ANKDD1A: variants seen among roughly 807,000 people sequenced by gnomAD.
ANKDD1A encodes the protein ankyrin repeat and death domain containing 1A.
In ANKDD1A, 59 loss-of-function variants were observed where a neutral mutation model predicts 63.5. The ratio of observed to expected loss-of-function variants is 0.93; its 90% CI spans 0.75 to 1.15. ANKDD1A has a LOEUF of 1.15. ANKDD1A is among the 50% of genes most tolerant of loss of function. The pLI is 0.00. For missense variants in ANKDD1A, 632 were observed against 656.4 expected, an observed-to-expected ratio of 0.96 and a Z score of 0.41; for synonymous variants, 266 against 263.9, an observed-to-expected ratio of 1.01 and a Z score of -0.08.
chr15:64,953,455 CTCTCCTTCT>C (rs1246174902), intron 14 of ANKDD1A, among the ~76,000 whole-genome samples: 5 of 19,112 alleles, frequency 2.6e-4, no homozygotes, highest in Non-Finnish European at 1.6e-3. Flanking sequence ...CTTCTTTCTT[CTCTCCTTCT>C]TCTTCTTCCT....
intron 14 of ANKDD1A, among the ~76,000 whole-genome samples, chr15:64,953,615 C>CCTCTTCTCCTTCTTAGTTCTTCTTAG (rs1206540695): frequency 9.2e-6 from 1 of 108,910 alleles, no homozygotes; most frequent in Non-Finnish European, 1.9e-5. Flanking sequence ...TTCTTCTCTC[C>CCTCTTCTCCTTCTTAGTTCTTCTTAG]TTCTTCTTCT....
intron 14 of ANKDD1A, among the ~76,000 whole-genome samples, chr15:64,954,475 CTT>C (rs1389759628): frequency 2.1e-5 from 3 of 144,474 alleles, no homozygotes; most frequent in Admixed American, 6.9e-5. Context: ...CCTTCTTCCT[CTT>C]TTTCTTCTTC....
chr15:64,933,025 C>T (rs1156351551), intron 8 of ANKDD1A, among the ~76,000 whole-genome samples: 2 of 151,862 alleles, frequency 1.3e-5, no homozygotes, highest in Non-Finnish European at 2.9e-5. Context: ...CTGCTCATCA[C>T]GCCAGGCCTT....
chr15:64,929,974 C>G (rs569121386), intron 6 of ANKDD1A, among the ~76,000 whole-genome samples: 7 of 152,266 alleles, frequency 4.6e-5, no homozygotes, highest in African/African-American at 1.7e-4. Context: ...AACCATCATC[C>G]TCAGCAAACT....
chr15:64,931,631 C>A, intron 8 of ANKDD1A, 46 bp downstream of exon 8: 1 of 1,593,534 alleles, frequency 6.3e-7, no homozygotes, highest in African/African-American at 1.3e-5. Flanking sequence ...GGCTGCTGAG[C>A]CATAGCCATG....
At chr15:64,921,128 G>T (rs535302377) in intron 3 of ANKDD1A, among the ~76,000 whole-genome samples, 7 of 151,886 alleles carry the variant, frequency 4.6e-5, no homozygotes, top group Non-Finnish European at 8.8e-5. Context: ...GTGCCTCCAC[G>T]CCTGGCTTAT....
intron 5 of ANKDD1A, among the ~76,000 whole-genome samples, chr15:64,926,612 C>G (rs996476281): frequency 6.6e-5 from 10 of 151,968 alleles, no homozygotes; most frequent in African/African-American, 2.4e-4. Context: ...GGTTGGGGGT[C>G]CCTCTGGCGA....
chr15:64,922,895 A>G (rs985358647), intron 4 of ANKDD1A, among the ~76,000 whole-genome samples: 3 of 152,206 alleles, frequency 2.0e-5, no homozygotes, highest in Non-Finnish European at 4.4e-5. Context: ...TTCATATCAC[A>G]TGAAAATTTT....
chr15:64,930,259 TAAA>T (rs11430089), intron 6 of ANKDD1A, among the ~76,000 whole-genome samples: 3 of 145,054 alleles, frequency 2.1e-5, no homozygotes, highest in Middle Eastern at 3.6e-3. Context: ...AAAGTAAAAT[TAAA>T]AAAAAAAAAA....
intron 1 of ANKDD1A, among the ~76,000 whole-genome samples, chr15:64,915,287 A>G (rs2084960812): frequency 6.6e-6 from 1 of 152,182 alleles, no homozygotes; most frequent in African/African-American, 2.4e-5. Flanking sequence ...CCTGGGCAAC[A>G]GAGGGGTTGG....
chr15:64,936,715 C>T (rs1343305740), intron 9 of ANKDD1A, among the ~76,000 whole-genome samples: 2 of 152,040 alleles, frequency 1.3e-5, no homozygotes, highest in African/African-American at 4.8e-5. Context: ...TGGTGGGTAC[C>T]TGCCTGTAGT....
intron 3 of ANKDD1A, 105 bp from the exon 4 acceptor site, chr15:64,921,816 T>C: frequency 1.1e-6 from 1 of 945,442 alleles, no homozygotes; most frequent in Admixed American, 2.1e-5. Context: ...AAGTGGCACT[T>C]ATAGTTCCTT....
At chr15:64,942,342 C>G (rs920173238) in intron 9 of ANKDD1A, 125 bp from the exon 10 acceptor site, 3 of 609,250 alleles carry the variant, frequency 4.9e-6, no homozygotes, top group African/African-American at 1.9e-5. Context: ...CCATGTCATC[C>G]AAGAAGCTAA....
chr15:64,926,813 T>G (rs2085048524), intron 5 of ANKDD1A, 88 bp from the exon 6 acceptor site: 1 of 1,373,694 alleles, frequency 7.3e-7, no homozygotes. Context: ...AAAGCCAGAG[T>G]GGTTGGGGAA....
intron 9 of ANKDD1A, 95 bp downstream of exon 9, chr15:64,934,329 T>C (rs1369320619): frequency 5.9e-6 from 7 of 1,180,780 alleles, no homozygotes; most frequent in Non-Finnish European, 8.3e-6. Flanking sequence ...CATCGGATCC[T>C]TGGGGTTGGG....
At chr15:64,931,839 C>G (rs566842083) in intron 8 of ANKDD1A, 1 of 592,756 alleles carries the variant, frequency 1.7e-6, no homozygotes, top group African/African-American at 1.9e-5. Context: ...GATTAAATAC[C>G]TAACACAGTG....
intron 9 of ANKDD1A, among the ~76,000 whole-genome samples, chr15:64,940,714 A>C (rs2140378059): frequency 6.6e-6 from 1 of 152,076 alleles, no homozygotes; most frequent in East Asian, 1.9e-4. Context: ...CTGGGATTAC[A>C]GGCATGAGCC....
chr15:64,916,903 G>A (rs1340953963), intron 2 of ANKDD1A, among the ~76,000 whole-genome samples: 2 of 152,226 alleles, frequency 1.3e-5, no homozygotes, highest in African/African-American at 4.8e-5. Context: ...ATGAGGTGGT[G>A]GGTCAGGTCC....
At chr15:64,945,304 G>A (rs928685467) in intron 12 of ANKDD1A, among the ~76,000 whole-genome samples, 2 of 151,992 alleles carry the variant, frequency 1.3e-5, no homozygotes, top group African/African-American at 4.8e-5. Context: ...AGTTTTCAAA[G>A]TTAATACAGA....
Sources: allele counts gnomAD v4.1 joint callset (sites outside exome capture counted in the v4.1 genomes callset), GRCh38; gene constraint gnomAD v4.1.1; transcripts MANE v1.5; gene names NCBI Gene and HGNC (gene_info 2026-07-23, HGNC 2026-07-21).